PALM2AKAP2: variants seen among roughly 807,000 people sequenced by gnomAD.
PALM2AKAP2 encodes the protein PALM2-AKAP2 fusion protein.
In PALM2AKAP2, 37 loss-of-function variants were observed where a neutral mutation model predicts 71.5. The ratio of observed to expected loss-of-function variants is 0.52; its 90% CI spans 0.40 to 0.68. PALM2AKAP2 has a LOEUF of 0.68. Among genes scored for constraint, PALM2AKAP2 ranks in the 30% least tolerant of loss-of-function variants. The pLI is 0.00. For missense variants in PALM2AKAP2, 1,224 were observed against 1,191.8 expected (o/e 1.03, Z -0.40); for synonymous variants, 468 against 478.8 (o/e 0.98, Z 0.29).
chr9:109,832,894 C>T (rs776527803), intron 1 of PALM2AKAP2, among the ~76,000 whole-genome samples: 27 of 152,318 alleles, frequency 1.8e-4, no homozygotes, highest in South Asian at 4.1e-4. Flanking sequence ...GGCACTAACT[C>T]GTGTGCCAAT....
At chr9:109,744,574 G>A (rs925623032) in intron 1 of PALM2AKAP2, among the ~76,000 whole-genome samples, 2 of 152,118 alleles carry the variant, frequency 1.3e-5, no homozygotes, top group African/African-American at 4.8e-5. Flanking sequence ...GAGGACTAGA[G>A]GGTCTAAGAC....
intron 1 of PALM2AKAP2, among the ~76,000 whole-genome samples, chr9:109,818,924 T>C (rs1452876714): frequency 3.9e-5 from 6 of 152,218 alleles, no homozygotes; most frequent in African/African-American, 1.4e-4. Context: ...CCAGTTGCCA[T>C]AGAAATGACC....
chr9:109,938,048 G>A (rs1831271371), intron 6 of PALM2AKAP2, among the ~76,000 whole-genome samples: 2 of 152,114 alleles, frequency 1.3e-5, no homozygotes, highest in African/African-American at 4.8e-5. Flanking sequence ...AGAGGCCATT[G>A]GTATAAACTT....
At chr9:109,716,532 G>A (rs563924558) in intron 1 of PALM2AKAP2, among the ~76,000 whole-genome samples, 8 of 152,150 alleles carry the variant, frequency 5.3e-5, no homozygotes, top group African/African-American at 1.9e-4. Context: ...AACGTAAATG[G>A]GCATTCTGTA....
chr9:109,952,308 C>CA (rs1831660045), intron 6 of PALM2AKAP2, among the ~76,000 whole-genome samples: 1 of 152,132 alleles, frequency 6.6e-6, no homozygotes, highest in African/African-American at 2.4e-5. Flanking sequence ...AAAAAAGTTT[C>CA]AAAAAATTAT....
intron 2 of PALM2AKAP2, among the ~76,000 whole-genome samples, chr9:109,874,340 A>G (rs1209256111): frequency 1.3e-4 from 20 of 152,188 alleles, no homozygotes; most frequent in Non-Finnish European, 2.9e-5. Context: ...AGAAAAAAGG[A>G]TTCTTGGGTG....
intron 1 of PALM2AKAP2, among the ~76,000 whole-genome samples, chr9:109,646,462 G>T (rs577838984): frequency 6.6e-6 from 1 of 152,288 alleles, no homozygotes; most frequent in East Asian, 1.9e-4. Context: ...ACCAGAAGTG[G>T]CATTCCCCAT....
rs1352929917 is a variant in PALM2AKAP2 at position 109,942,592 on chromosome 9, G to A, written c.496+10564G>A. On this transcript the variant is annotated intron_variant, in intron 6 of 9. Coordinates refer to the PALM2AKAP2 transcript ENST00000302798. ...ATGCTTGGCAGTTAGAATAGAAAGG[G>A]CACAAAACCTTTTTTTTTGTCTGTT... is the stretch of plus-strand genomic sequence containing the variant. The A allele has an allele frequency of 8.6e-6, 12 of 1,391,888 alleles. No individual in the cohort carries two copies. The East Asian group carries it at 2.8e-4, about 33-fold the overall frequency. 86.2% of individuals were successfully genotyped at this position (1,391,888 alleles called of 1,614,324 possible).
chr9:110,043,774 G>T (rs1383578835), upstream of PALM2AKAP2, among the ~76,000 whole-genome samples: 4 of 136,796 alleles, frequency 2.9e-5, no homozygotes, highest in African/African-American at 1.1e-4. Context: ...CTGCTGGAGT[G>T]CAGTGGCACG....
At chr9:110,152,278 G>A (rs145931747) in intron 2 of PALM2AKAP2, among the ~76,000 whole-genome samples, 222 of 152,262 alleles carry the variant, frequency 1.5e-3, no homozygotes, top group Non-Finnish European at 2.8e-4. Context: ...TTCAGTGCAG[G>A]TGAGGAACTG....
chr9:110,018,383 C>T (rs960231383), intron 7 of PALM2AKAP2, among the ~76,000 whole-genome samples: 5 of 152,104 alleles, frequency 3.3e-5, no homozygotes, highest in African/African-American at 1.2e-4. Context: ...GGCTGGAGTG[C>T]AGTGTGGCAT....
intron 3 of PALM2AKAP2, among the ~76,000 whole-genome samples, chr9:109,914,999 T>C (rs1396953637): frequency 6.6e-6 from 1 of 152,218 alleles, no homozygotes; most frequent in Non-Finnish European, 1.5e-5. Context: ...CCTTTTCTGC[T>C]CTTTCTACCA....
At chr9:110,022,678 T>A (rs1320080195) in intron 7 of PALM2AKAP2, among the ~76,000 whole-genome samples, 1 of 152,110 alleles carries the variant, frequency 6.6e-6, no homozygotes, top group Admixed American at 6.6e-5. Flanking sequence ...GCTGCACACA[T>A]TAACTTGTCA....
chr9:110,146,216 T>A (rs1026371223), intron 2 of PALM2AKAP2, among the ~76,000 whole-genome samples: 3 of 152,150 alleles, frequency 2.0e-5, no homozygotes, highest in Non-Finnish European at 4.4e-5. Flanking sequence ...AGCCTCACTC[T>A]TGAGATCCTA....
chr9:110,136,777 G>T (rs1045395665), exon 2 of PALM2AKAP2: 2 of 1,614,190 alleles, frequency 1.2e-6, no homozygotes, highest in African/African-American at 1.3e-5. Flanking sequence ...CCAAGTTTGA[G>T]CTGCGTGCCT....
rs749988330 is a variant in PALM2AKAP2, at chr9:110,136,927, C to T, written c.957C>T (p.Ala319=). The T allele has an allele frequency of 1.9e-5, 30 of 1,613,962 alleles. No individual in the cohort carries two copies. The East Asian group carries it at 2.2e-4, about 12-fold the overall frequency. ...GGAGAGAGCTCATCCGCAGCCAGGC[C>T]GTCAAGAAGAATCCTGGCATTGCAG... The change falls in exon 2 of 4, where the codon GCC becomes GCT. Residue 319 remains alanine (A), a synonymous_variant. Coordinates refer to ENST00000374525, the Ensembl canonical transcript of PALM2AKAP2.
exon 4 of PALM2AKAP2, chr9:110,171,289 A>G (rs909949556): frequency 1.3e-5 from 2 of 152,306 alleles, no homozygotes; most frequent in African/African-American, 4.8e-5. Context: ...AGAGTTCTAG[A>G]GCTGGGGGTT....
intron 6 of PALM2AKAP2, among the ~76,000 whole-genome samples, chr9:109,981,888 GA>G (rs1832278913): frequency 1.3e-5 from 2 of 152,126 alleles, no homozygotes; most frequent in Non-Finnish European, 1.5e-5. Context: ...GAACAGTTTA[GA>G]AGTTTCTCAA....
intron 1 of PALM2AKAP2, among the ~76,000 whole-genome samples, chr9:109,752,520 G>A (rs1020964105): frequency 6.6e-6 from 1 of 152,128 alleles, no homozygotes; most frequent in Non-Finnish European, 1.5e-5. Flanking sequence ...CAGGTAGAGG[G>A]AATGGTGTGT....
Sources: gnomAD v4.1 joint callset for allele counts (sites outside exome capture counted in the v4.1 genomes callset) on GRCh38, gnomAD v4.1.1 for gene constraint, MANE v1.5 for transcripts, NCBI Gene and HGNC (gene_info 2026-07-23, HGNC 2026-07-21) for gene names.